Variants in FHOD3 observed in about 807,000 individuals in gnomAD.
The protein encoded by FHOD3 is FH1/FH2 domain-containing protein 3.
A neutral mutation model predicts 173.0 loss-of-function variants in FHOD3; 90 were observed. That is an observed-to-expected ratio of 0.52 (90% CI 0.44 to 0.62). The LOEUF is 0.62. FHOD3 is among the 20% of genes least tolerant of loss of function. FHOD3 has a pLI of 0.00. For synonymous variants in FHOD3, 828 were observed against 823.0 expected, an observed-to-expected ratio of 1.01 and a Z score of -0.10; for missense variants, 1,945 against 2,034.7, an observed-to-expected ratio of 0.96 and a Z score of 0.85.
chr18:36,728,987 A>C (rs1193874765), intron 19 of FHOD3, among the ~76,000 whole-genome samples: 1 of 152,134 alleles, frequency 6.6e-6, no homozygotes, highest in Non-Finnish European at 1.5e-5. Context: ...AACCTAGACA[A>C]AGCCACTTCT....
At chr18:36,635,713 A>T (rs999374517) in intron 10 of FHOD3, among the ~76,000 whole-genome samples, 8 of 152,192 alleles carry the variant, frequency 5.3e-5, no homozygotes, top group Non-Finnish European at 8.8e-5. Flanking sequence ...GGCAGATGGA[A>T]ATTCCCATAG....
chr18:36,304,955 T>G (rs1326073538), intron 1 of FHOD3, among the ~76,000 whole-genome samples: 1 of 152,228 alleles, frequency 6.6e-6, no homozygotes, highest in African/African-American at 2.4e-5. Flanking sequence ...GCCTTCAGTA[T>G]GCCTCAGAAG....
intron 7 of FHOD3, among the ~76,000 whole-genome samples, chr18:36,595,700 C>T (rs1008940378): frequency 1.3e-4 from 20 of 152,298 alleles, no homozygotes; most frequent in African/African-American, 3.6e-4. Context: ...TGGCGAAGAA[C>T]GAGCTTCTGC....
intron 5 of FHOD3, among the ~76,000 whole-genome samples, chr18:36,520,913 A>G (rs1186642495): frequency 3.3e-5 from 5 of 152,230 alleles, no homozygotes; most frequent in African/African-American, 4.8e-5. Context: ...CTCCTTGCTC[A>G]GTAGACTTTT....
intron 3 of FHOD3, among the ~76,000 whole-genome samples, chr18:36,447,398 G>A (rs1568283220): frequency 6.6e-6 from 1 of 152,160 alleles, no homozygotes; most frequent in East Asian, 1.9e-4. Flanking sequence ...GTGTGATTGG[G>A]CCCTGGCATG....
intron 5 of FHOD3, among the ~76,000 whole-genome samples, chr18:36,553,617 T>C (rs185770338): frequency 1.1e-3 from 167 of 152,304 alleles, no homozygotes; most frequent in African/African-American, 3.9e-3. Context: ...GAGGTGTTTA[T>C]AGTATTCTCT....
chr18:36,467,878 A>G (rs1238372865), intron 3 of FHOD3, among the ~76,000 whole-genome samples: 1 of 152,206 alleles, frequency 6.6e-6, no homozygotes, highest in African/African-American at 2.4e-5. Context: ...TTCTGCGGGT[A>G]AGTGCTGCCT....
At chr18:36,604,403 ACT>A (rs2031821597) in intron 8 of FHOD3, among the ~76,000 whole-genome samples, 1 of 152,276 alleles carries the variant, frequency 6.6e-6, no homozygotes, top group Non-Finnish European at 1.5e-5. Context: ...AAATGTGCAG[ACT>A]CTGAGGATTA....
intron 1 of FHOD3, among the ~76,000 whole-genome samples, chr18:36,337,065 C>T (rs1402224142): frequency 1.4e-5 from 2 of 139,050 alleles, no homozygotes; most frequent in African/African-American, 2.7e-5. Context: ...CCTAGTTACT[C>T]GGGAGGCTGA....
chr18:36,449,703 C>T (rs1407584443), intron 3 of FHOD3, among the ~76,000 whole-genome samples: 3 of 152,090 alleles, frequency 2.0e-5, no homozygotes, highest in Non-Finnish European at 2.9e-5. Context: ...AATGGCATTC[C>T]GTTCCTCTTG....
At chr18:36,590,407 CT>C (rs34991860) in intron 6 of FHOD3, among the ~76,000 whole-genome samples, 54,298 of 151,864 alleles carry the variant, frequency 0.36, 10,033 homozygotes, top group East Asian at 0.55. Context: ...TGGAATGTAC[CT>C]TTTTTACTTT....
At chr18:36,674,169 T>C (rs2037705484) in intron 14 of FHOD3, among the ~76,000 whole-genome samples, 1 of 152,198 alleles carries the variant, frequency 6.6e-6, no homozygotes, top group Non-Finnish European at 1.5e-5. Flanking sequence ...ATCTGAACAA[T>C]GAGCCCTGAG....
intron 4 of FHOD3, among the ~76,000 whole-genome samples, chr18:36,511,281 G>GA (rs928055746): frequency 1.3e-5 from 2 of 151,606 alleles, no homozygotes; most frequent in Admixed American, 1.3e-4. Context: ...AACAATGGTG[G>GA]AAAAATCCCT....
At chr18:36,431,952 G>T (rs2050574930) in intron 3 of FHOD3, among the ~76,000 whole-genome samples, 1 of 152,218 alleles carries the variant, frequency 6.6e-6, no homozygotes, top group Admixed American at 6.5e-5. Flanking sequence ...AATGCAGTTT[G>T]CATTTAATCC....
At chr18:36,421,641 G>C (rs1313568486) in intron 3 of FHOD3, among the ~76,000 whole-genome samples, 1 of 152,236 alleles carries the variant, frequency 6.6e-6, no homozygotes, top group Non-Finnish European at 1.5e-5. Context: ...GGGTCCAGGG[G>C]TGTTGCTGGC....
chr18:36,555,842 A>G (rs2057857575), intron 5 of FHOD3, among the ~76,000 whole-genome samples: 1 of 152,176 alleles, frequency 6.6e-6, no homozygotes, highest in Non-Finnish European at 1.5e-5. Context: ...TTTGCCTGGT[A>G]TTAATACAGT....
intron 9 of FHOD3, among the ~76,000 whole-genome samples, chr18:36,619,221 A>G (rs2033497745): frequency 6.6e-6 from 1 of 152,162 alleles, no homozygotes; most frequent in African/African-American, 2.4e-5. Flanking sequence ...TCTTTAGTCT[A>G]AGGCAAGCAG....
At chr18:36,700,370 A>G (rs2039513721) in intron 17 of FHOD3, among the ~76,000 whole-genome samples, 1 of 152,174 alleles carries the variant, frequency 6.6e-6, no homozygotes, top group South Asian at 2.1e-4. Flanking sequence ...TCTCTCATCC[A>G]GAAACCCCCA....
chr18:36,361,064 AT>A (rs902349366), intron 2 of FHOD3, among the ~76,000 whole-genome samples: 19 of 150,468 alleles, frequency 1.3e-4, no homozygotes, highest in South Asian at 4.3e-4. Flanking sequence ...ACGTTCCCTG[AT>A]TTTTTTTTTC....
Sources: gnomAD v4.1 joint callset for allele counts (sites outside exome capture counted in the v4.1 genomes callset) on GRCh38, gnomAD v4.1.1 for gene constraint, MANE v1.5 for transcripts, NCBI Gene and HGNC (gene_info 2026-07-23, HGNC 2026-07-21) for gene names.